DPP6: variants seen among roughly 807,000 people sequenced by gnomAD.
The protein encoded by DPP6 is dipeptidyl peptidase like 6.
A neutral mutation model predicts 122.6 loss-of-function variants in DPP6; 69 were observed. The observed-to-expected ratio is 0.56, with a 90% CI of 0.46 to 0.69. The LOEUF is 0.69. DPP6 is among the 30% of genes least tolerant of loss of function. DPP6 has a pLI of 0.00. For missense variants in DPP6, 928 were observed against 1,116.9 expected (o/e 0.83, Z 2.41); for synonymous variants, 418 against 433.1 (o/e 0.97, Z 0.43).
intron 1 of DPP6, among the ~76,000 whole-genome samples, chr7:154,384,087 C>T (rs563061715): frequency 1.3e-5 from 2 of 152,136 alleles, no homozygotes; most frequent in African/African-American, 2.4e-5. Flanking sequence ...TTCAGTCTCC[C>T]GGGTGCTCCC....
At chr7:153,885,805 C>G (rs893355582), upstream of DPP6, among the ~76,000 whole-genome samples, 24 of 152,294 alleles carry the variant, frequency 1.6e-4, no homozygotes, top group South Asian at 1.0e-3. Flanking sequence ...TTACCTCTCT[C>G]AAGCCCAAAT....
intron 1 of DPP6, among the ~76,000 whole-genome samples, chr7:154,061,263 C>A (rs1801827429): frequency 6.7e-6 from 1 of 149,416 alleles, no homozygotes; most frequent in South Asian, 2.1e-4. Context: ...GGGATCCCAA[C>A]AACAGCAAGT....
chr7:154,615,625 C>T (rs748144961), intron 5 of DPP6, among the ~76,000 whole-genome samples: 12 of 152,120 alleles, frequency 7.9e-5, no homozygotes, highest in Non-Finnish European at 1.3e-4. Flanking sequence ...TTTCATCACC[C>T]GCAACAGATC....
rs546043160 is a variant in DPP6 at position 154,168,427 on chromosome 7, G to A, written c.243+115364G>A. 7.2e-5 allele frequency among the ~76,000 whole-genome samples: 11 copies of A among 152,298 alleles called. No individual in the cohort carries two copies. The South Asian group carries it at 2.3e-3, about 32-fold the overall frequency. ...AAAATGTGAATGGAAAGAAGGCAAG[G>A]AAAATACACTATTTGTAGTTCTGAG... On this transcript the variant is annotated intron_variant, in intron 1 of 25. Coordinates refer to ENST00000377770, the MANE Select transcript of DPP6 (RefSeq NM_130797.4).
At chr7:153,990,120 G>C (rs1364343367) in intron 1 of DPP6, among the ~76,000 whole-genome samples, 1 of 42,324 alleles carries the variant, frequency 2.4e-5, no homozygotes, top group African/African-American at 7.0e-5. Context: ...CCCGCCCCCT[G>C]CCAGCCCCAC....
intron 1 of DPP6, among the ~76,000 whole-genome samples, chr7:154,082,704 C>T (rs1804108819): frequency 6.6e-6 from 1 of 151,948 alleles, no homozygotes; most frequent in Non-Finnish European, 1.5e-5. Context: ...CATTTCAAGG[C>T]TGATAGAATC....
In DPP6 at chr7:154,759,334, C is replaced by T. The variant is rs375685952; in HGVS notation, c.884-10083C>T. Among the ~76,000 whole-genome samples the T allele has an allele frequency of 2.6e-5, 4 of 152,352 alleles. No homozygotes were observed. The East Asian group carries it at 5.8e-4, about 22-fold the overall frequency. ...CTCCTTCACATCAGCAGGCAATTAACAGTAGGGAAGGGAGAAGGAGGGTGA... is the reference window on the plus strand; with the variant it reads ...CTCCTTCACATCAGCAGGCAATTAATAGTAGGGAAGGGAGAAGGAGGGTGA... On this transcript the variant is annotated intron_variant, in intron 8 of 25. Transcript: ENST00000377770.
At chr7:153,830,791 A>C in the DPP6 span, among the ~76,000 whole-genome samples, 1 of 152,344 alleles carries the variant, frequency 6.6e-6, no homozygotes, top group South Asian at 2.1e-4. Context: ...CAATAGCTTA[A>C]GATATATTTC....
chr7:153,808,267 G>A, the DPP6 span, among the ~76,000 whole-genome samples: 1 of 151,458 alleles, frequency 6.6e-6, no homozygotes, highest in Non-Finnish European at 1.5e-5. Flanking sequence ...GTGTGTGCCT[G>A]TGTGTGCGCA....
At chr7:154,744,217 G>A (rs937778974) in intron 8 of DPP6, among the ~76,000 whole-genome samples, 2 of 152,052 alleles carry the variant, frequency 1.3e-5, no homozygotes, top group South Asian at 2.1e-4. Flanking sequence ...AGCATTTATT[G>A]TCTCTCACCA....
intron 22 of DPP6, among the ~76,000 whole-genome samples, chr7:154,887,214 G>T (rs1806219793): frequency 6.6e-6 from 1 of 152,192 alleles, no homozygotes; most frequent in Non-Finnish European, 1.5e-5. Flanking sequence ...CCTGGGAGAA[G>T]CCCCTGACAC....
chr7:154,135,509 A>C (rs1795506280), intron 1 of DPP6, among the ~76,000 whole-genome samples: 1 of 151,202 alleles, frequency 6.6e-6, no homozygotes, highest in Non-Finnish European at 1.5e-5. Flanking sequence ...TCCTGTGAGC[A>C]TACACTTCCT....
chr7:154,869,934 C>A (rs1348720475), intron 18 of DPP6, among the ~76,000 whole-genome samples: 1 of 141,176 alleles, frequency 7.1e-6, no homozygotes, highest in Non-Finnish European at 1.5e-5. Flanking sequence ...GGGAAGGGGG[C>A]ATGAACGAAA....
chr7:153,826,184 A>C, the DPP6 span, among the ~76,000 whole-genome samples: 3 of 152,198 alleles, frequency 2.0e-5, no homozygotes, highest in African/African-American at 7.2e-5. Context: ...AAAGCTTCAG[A>C]GAGTGTGTGG....
At chr7:154,699,478 C>T (rs887713147) in intron 7 of DPP6, among the ~76,000 whole-genome samples, 4 of 152,160 alleles carry the variant, frequency 2.6e-5, no homozygotes, top group Non-Finnish European at 5.9e-5. Context: ...AGAGAGAAAA[C>T]GTTCACAATA....
chr7:154,212,989 G>A (rs559295398), intron 1 of DPP6, among the ~76,000 whole-genome samples: 32 of 152,146 alleles, frequency 2.1e-4, no homozygotes, highest in Non-Finnish European at 4.6e-4. Flanking sequence ...AAGGAACAAG[G>A]GCATTGGAGC....
chr7:153,878,388 A>C, the DPP6 span, among the ~76,000 whole-genome samples: 3 of 152,276 alleles, frequency 2.0e-5, no homozygotes, highest in East Asian at 5.8e-4. Context: ...CAAAAAAAAA[A>C]AATCCAAATT....
At chr7:154,231,873 T>C (rs929326101) in intron 1 of DPP6, among the ~76,000 whole-genome samples, 3 of 152,224 alleles carry the variant, frequency 2.0e-5, no homozygotes, top group Non-Finnish European at 4.4e-5. Context: ...AGCATACTTG[T>C]AGCCCTTGAG....
At chr7:154,805,380 C>T (rs191731570) in intron 15 of DPP6, among the ~76,000 whole-genome samples, 310 of 152,238 alleles carry the variant, frequency 2.0e-3, no homozygotes, top group Admixed American at 5.2e-3. Flanking sequence ...CCCTGCTGTC[C>T]GGCATTGTAG....
Sources: gnomAD v4.1 joint callset for allele counts (sites outside exome capture counted in the v4.1 genomes callset) on GRCh38, gnomAD v4.1.1 for gene constraint, MANE v1.5 for transcripts, NCBI Gene and HGNC (gene_info 2026-07-23, HGNC 2026-07-21) for gene names.